VPS54: variants seen among roughly 807,000 people sequenced by gnomAD.
VPS54 encodes the protein VPS54 subunit of GARP complex.
A neutral mutation model predicts 121.5 loss-of-function variants in VPS54; 45 were observed. The ratio of observed to expected loss-of-function variants is 0.37; its 90% confidence interval spans 0.29 to 0.47. The LOEUF (loss-of-function observed/expected upper bound fraction) is 0.47. Ranked by LOEUF, VPS54 falls within the 20% of genes least tolerant of loss-of-function variation. The probability of loss-of-function intolerance (pLI) is 0.99; values close to 1 mark genes in which losing one functional copy is unlikely to be tolerated. For missense variants in VPS54, 1,090 were observed against 1,131.4 expected (o/e 0.96, Z 0.52); for synonymous variants, 371 against 385.8 (o/e 0.96, Z 0.45).
Position 63,921,332 on chromosome 2 carries a change from G to C in VPS54, c.1743C>G (p.Val581=). 1 of 1,611,006 alleles carries C rather than the reference G, an allele frequency of 6.2e-7. No homozygotes were observed. The highest frequency in any genetic ancestry group is 8.5e-7 in the Non-Finnish European group (1 of 1,178,374). Residue 581 remains valine (V), a synonymous_variant, in exon 13 of 23, where the codon GTC becomes GTG. Transcript: ENST00000272322. ...AGTCAGTTAATTTCATATCTTCACT[G>C]ACCCTGAAAATAACAAAATAAGATT... is the stretch of plus-strand genomic sequence containing the variant. The part of the protein sequence containing the change: ...SAIPGGVDIM[V]SEDMKLTDSE...
intron 5 of VPS54, among the ~76,000 whole-genome samples, chr2:63,968,688 C>A (rs918494514): frequency 3.9e-5 from 6 of 151,954 alleles, no homozygotes; most frequent in Non-Finnish European, 5.9e-5. Context: ...CACTACACTC[C>A]AGCCTGCGAG....
intron 3 of VPS54, among the ~76,000 whole-genome samples, chr2:63,976,405 T>C (rs535526867): frequency 6.9e-4 from 104 of 151,698 alleles, no homozygotes; most frequent in African/African-American, 2.2e-3. Context: ...AAGTTTTCTT[T>C]CCTTATAATG....
intron 12 of VPS54, 26 bp downstream of exon 12, chr2:63,933,647 A>C (rs1354303049): frequency 6.3e-7 from 1 of 1,584,410 alleles, no homozygotes; most frequent in South Asian, 1.1e-5. Flanking sequence ...AAATCTTGTC[A>C]ATTTGGCAGT....
intron 11 of VPS54, among the ~76,000 whole-genome samples, chr2:63,939,887 A>G (rs566405116): frequency 6.6e-6 from 1 of 152,130 alleles, no homozygotes; most frequent in East Asian, 1.9e-4. Context: ...CAGCCTCCCA[A>G]GTAGCTGGGA....
chr2:63,959,974 C>T (rs577014007), intron 7 of VPS54, among the ~76,000 whole-genome samples: 21 of 151,996 alleles, frequency 1.4e-4, no homozygotes, highest in Non-Finnish European at 2.2e-4. Flanking sequence ...GAACCGAGAT[C>T]GTGCCACTGC....
chr2:63,973,451 A>G (rs1216645489), intron 3 of VPS54, among the ~76,000 whole-genome samples: 1 of 151,970 alleles, frequency 6.6e-6, no homozygotes, highest in Non-Finnish European at 1.5e-5. Context: ...ACACTTCTAT[A>G]TCTTTTTTTG....
chr2:63,912,852 T>C (rs994377551), intron 18 of VPS54, among the ~76,000 whole-genome samples, 191 bp from the exon 19 acceptor site: 4 of 152,220 alleles, frequency 2.6e-5, no homozygotes, highest in African/African-American at 9.6e-5. Flanking sequence ...AATAATGTAA[T>C]GAACATGCTG....
chr2:63,940,300 C>G (rs1674658785), intron 11 of VPS54, among the ~76,000 whole-genome samples: 1 of 152,066 alleles, frequency 6.6e-6, no homozygotes, highest in African/African-American at 2.4e-5. Context: ...GAATCACAAA[C>G]TTTTTTCACA....
intron 20 of VPS54, among the ~76,000 whole-genome samples, chr2:63,904,464 A>AAAAGG (rs1672822280): frequency 1.3e-5 from 2 of 148,400 alleles, no homozygotes; most frequent in South Asian, 2.1e-4. Context: ...AAAAAAAAAA[A>AAAAGG]GGGAGATCAC....
chr2:63,959,823 C>T (rs1675670669), intron 7 of VPS54, among the ~76,000 whole-genome samples: 1 of 152,048 alleles, frequency 6.6e-6, no homozygotes, highest in Non-Finnish European at 1.5e-5. Flanking sequence ...GAGTTCGAGA[C>T]CAGCCTGGCC....
At position 64,006,442 on chromosome 2, in the gene VPS54, T is replaced by C. The variant is rs1034641590; in HGVS notation, c.-21+12496A>G. On this transcript the variant is annotated intron_variant, in intron 1 of 22. Transcript: ENST00000272322. ...TACAATCAGTTAGATCACTGTCATT[T>C]ATTAGTTGTGTGACAACTGTCTTAC... 2.0e-5 allele frequency among the ~76,000 whole-genome samples: 3 copies of C among 152,252 alleles called. No homozygotes were observed. The South Asian group carries it at 6.2e-4, about 31-fold the overall frequency.
At chr2:63,928,226 G>A (rs1481302056) in intron 12 of VPS54, among the ~76,000 whole-genome samples, 5 of 152,272 alleles carry the variant, frequency 3.3e-5, no homozygotes, top group East Asian at 3.9e-4. Context: ...TTCACCAAGG[G>A]TGAAATGAAG....
At chr2:64,018,067 G>C (rs773560148) in intron 1 of VPS54, among the ~76,000 whole-genome samples, 1 of 152,110 alleles carries the variant, frequency 6.6e-6, no homozygotes, top group Non-Finnish European at 1.5e-5. Flanking sequence ...GGTTATCGCA[G>C]TAATATTTCT....
intron 1 of VPS54, among the ~76,000 whole-genome samples, chr2:64,013,554 TATATG>T (rs1678529329): frequency 6.8e-6 from 1 of 147,228 alleles, no homozygotes. Flanking sequence ...CTGATATATA[TATATG>T]ATATATATAT....
chr2:63,924,198 C>T (rs1673786869), intron 12 of VPS54, among the ~76,000 whole-genome samples: 1 of 152,218 alleles, frequency 6.6e-6, no homozygotes, highest in South Asian at 2.1e-4. Flanking sequence ...AGCTAACTAT[C>T]TTTCAGTATC....
At chr2:63,918,383 T>TA (rs1488724770) in intron 15 of VPS54, among the ~76,000 whole-genome samples, 2 of 152,008 alleles carry the variant, frequency 1.3e-5, no homozygotes, top group Non-Finnish European at 2.9e-5. Flanking sequence ...CCTAGTCATC[T>TA]AGCACAGCAC....
intron 16 of VPS54, 120 bp from the exon 17 acceptor site, chr2:63,914,407 G>GTAA (rs1673287157): frequency 1.5e-6 from 1 of 687,574 alleles, no homozygotes; most frequent in Non-Finnish European, 2.5e-6. Flanking sequence ...AATGACCTTG[G>GTAA]TAACTATGTT....
chr2:63,943,869 C>CATGT (rs1366366664), intron 10 of VPS54, among the ~76,000 whole-genome samples: 1 of 151,658 alleles, frequency 6.6e-6, no homozygotes, highest in Non-Finnish European at 1.5e-5. Flanking sequence ...GGACTACAGG[C>CATGT]ATGTGCCACC....
intron 11 of VPS54, among the ~76,000 whole-genome samples, chr2:63,941,254 T>C (rs1040546734): frequency 6.6e-5 from 10 of 152,210 alleles, no homozygotes; most frequent in South Asian, 2.1e-4. Flanking sequence ...AGATGGAGTC[T>C]TGCTCTGTTG....
Sources: allele counts gnomAD v4.1 joint callset (sites outside exome capture counted in the v4.1 genomes callset), GRCh38; gene constraint gnomAD v4.1.1; transcripts MANE v1.5; gene names NCBI Gene and HGNC (gene_info 2026-07-23, HGNC 2026-07-21).